The following HMCN2 variants were observed in gnomAD, a reference collection of about 807,000 sequenced individuals.
HMCN2 encodes hemicentin 2.
A neutral mutation model predicts 377.5 loss-of-function variants in HMCN2; 325 were observed. The observed-to-expected ratio is 0.86, with a 90% CI of 0.79 to 0.94. The LOEUF is 0.94. Ranked by LOEUF, HMCN2 falls within the 40% of genes least tolerant of loss-of-function variation. The probability of loss-of-function intolerance (pLI) is 0.00; values close to 1 mark genes in which losing one functional copy is unlikely to be tolerated. For synonymous variants in HMCN2, 2,007 were observed against 2,046.8 expected (o/e 0.98, Z 0.53); for missense variants, 4,543 against 4,725.3 (o/e 0.96, Z 1.13).
intron 62 of HMCN2, among the ~76,000 whole-genome samples, chr9:130,389,578 C>CTT (rs10706411): frequency 2.0e-4 from 29 of 145,228 alleles, no homozygotes; most frequent in African/African-American, 7.1e-4. Flanking sequence ...GTACTTCATT[C>CTT]TTTTTTTTTT....
At chr9:130,383,445 G>A (rs570718827) in intron 56 of HMCN2, 59 bp from the exon 57 acceptor site, 1 of 772,050 alleles carries the variant, frequency 1.3e-6, no homozygotes, top group Non-Finnish European at 1.6e-6. Flanking sequence ...TCATTCCTGG[G>A]GGTGGTGGTG....
At chr9:130,373,281 T>C (rs1455168527) in intron 48 of HMCN2, among the ~76,000 whole-genome samples, 157 bp downstream of exon 48, 1 of 152,150 alleles carries the variant, frequency 6.6e-6, no homozygotes, top group Non-Finnish European at 1.5e-5. Flanking sequence ...CAGCTCATCT[T>C]TGCATGTGTT....
intron 1 of HMCN2, among the ~76,000 whole-genome samples, chr9:130,266,948 ACTT>A (rs1274680547): frequency 8.5e-6 from 1 of 117,164 alleles, no homozygotes; most frequent in Non-Finnish European, 1.7e-5. Context: ...TGCTTTCCAC[ACTT>A]CTTTTTTTTT....
rs573635539 is a variant in HMCN2, at chr9:130,384,680, G to A, written c.8993-5G>A. On this transcript the variant is annotated splice_polypyrimidine_tract_variant and splice_region_variant and intron_variant, in intron 58 of 97. Transcript: ENST00000683500. Reference sequence around the variant, plus strand: ...CTGGTGTGAGGGGCTGGCTTCCCCCGGCAGGCACCCACACGCTGCAGCTGG... The same window carrying A: ...CTGGTGTGAGGGGCTGGCTTCCCCCAGCAGGCACCCACACGCTGCAGCTGG... The A allele has an allele frequency of 1.1e-5, 14 of 1,302,250 alleles. No homozygotes were observed. In the East Asian group the frequency reaches 1.7e-4, roughly 15 times the overall value. 80.7% of individuals were successfully genotyped at this position (1,302,250 alleles called of 1,614,324 possible). A position where few individuals can be genotyped will look rare whatever the true frequency, so the allele number is the denominator to read the frequency against.
intron 1 of HMCN2, among the ~76,000 whole-genome samples, chr9:130,275,854 TTGGAGGCC>T (rs11280762): frequency 9.3e-5 from 14 of 151,034 alleles, no homozygotes; most frequent in Admixed American, 4.0e-4. Context: ...ACGTCCCTCC[TTGGAGGCC>T]TGGAGGCCTG....
At position 130,377,765 on chromosome 9, in the gene HMCN2, C is replaced by A; in HGVS notation, c.8178C>A (p.Gly2726=). Residue 2726 remains glycine (G), a synonymous_variant, in exon 53 of 98, where the codon GGC becomes GGA. Transcript: ENST00000683500. ...TGTGTGTGGCCACCAATGTGGCTGG[C>A]GAGGACGACCAGGACTTCAACGTGC... ...RYLCVATNVA[G]EDDQDFNVLI... 1.0e-6 allele frequency: 1 copy of A among 985,952 alleles called. No individual in the cohort carries two copies. Among genetic ancestry groups the A allele is most frequent in the Non-Finnish European group, 1.2e-6 (1 of 829,988 alleles). The allele number at this position is 985,952 out of a possible 1,614,324, so 61.1% of individuals were successfully genotyped here.
At chr9:130,410,047 T>C (rs901506438) in intron 84 of HMCN2, among the ~76,000 whole-genome samples, 1 of 152,254 alleles carries the variant, frequency 6.6e-6, no homozygotes, top group African/African-American at 2.4e-5. Context: ...AGACTCACTT[T>C]GCACACTGGC....
In HMCN2 at chr9:130,356,108, C is replaced by T. The variant is rs756678348; in HGVS notation, c.5276C>T (p.Pro1759Leu). Residue 1759 changes from proline (P) to leucine (L), a missense_variant, in exon 34 of 98, where the codon CCA becomes CTA. By Grantham distance (98) the Pro-to-Leu change is moderately conservative. This residue lies in a region of HMCN2 where 1,032 missense variants were observed against 1,285.1 expected (regional missense o/e 0.80). Transcript: ENST00000683500. ...CTTAGGTGGCTGCAGAATGGCCGCC[C>T]AGCCGAGGAGCTGGCTGGGGTGCAG... The part of the protein sequence containing the change: ...PTIQWLQNGR[P>L]AEELAGVQVA... 4 of 1,293,416 alleles carry T rather than the reference C, an allele frequency of 3.1e-6. No individual in the cohort carries two copies. Among genetic ancestry groups the T allele is most frequent in the South Asian group, 1.3e-5 (1 of 79,904 alleles). 80.1% of individuals were successfully genotyped at this position (1,293,416 alleles called of 1,614,324 possible).
At chr9:130,337,746 G>A (rs1307153340) in intron 22 of HMCN2, 148 bp from the exon 23 acceptor site, 19 of 151,218 alleles carry the variant, frequency 1.3e-4, no homozygotes, top group African/African-American at 3.9e-4. Context: ...GTTCAGGGAG[G>A]ATGGAGGCGG....
chr9:130,274,860 A>C (rs1175075906), intron 1 of HMCN2, among the ~76,000 whole-genome samples: 1 of 152,202 alleles, frequency 6.6e-6, no homozygotes, highest in Admixed American at 6.5e-5. Context: ...CCATTGGAGG[A>C]ATTAGCCTAA....
At chr9:130,372,249 T>A (rs1415731333) in intron 46 of HMCN2, 45 bp from the exon 47 acceptor site, 1 of 781,844 alleles carries the variant, frequency 1.3e-6, no homozygotes. Flanking sequence ...TGGGACAGAA[T>A]GCTGCTCAGA....
At chr9:130,313,764 T>C (rs1837396670) in intron 15 of HMCN2, among the ~76,000 whole-genome samples, 2 of 148,488 alleles carry the variant, frequency 1.3e-5, no homozygotes, top group Non-Finnish European at 3.0e-5. Context: ...TCTAAATGAA[T>C]GTGTGTCCTC....
chr9:130,316,716 C>G (rs1483523726), intron 15 of HMCN2, among the ~76,000 whole-genome samples: 1 of 152,192 alleles, frequency 6.6e-6, no homozygotes, highest in African/African-American at 2.4e-5. Flanking sequence ...TCCTGTGGAG[C>G]CACGGTGGCC....
chr9:130,315,361 CCCCTCCCCCT>C (rs1837516105), intron 15 of HMCN2, among the ~76,000 whole-genome samples: 34 of 30,544 alleles, frequency 1.1e-3, no homozygotes, highest in East Asian at 3.5e-3. Flanking sequence ...CCCTCCCTCT[CCCCTCCCCCT>C]CCCCTCCCTT....
rs1411979678 is a variant in HMCN2, at chr9:130,369,260, C to G, written c.6788-310C>G. On this transcript the variant is annotated intron_variant, in intron 44 of 97. Transcript: ENST00000683500. The surrounding 1 kb of genome is among the most constrained non-coding windows in gnomAD (Gnocchi z 4.5). Reference sequence around the variant, plus strand: ...AGAAACCCACCCGTAGAATAATTTCCCACCCCTAACCAGTCCCAACAACTG... The same window carrying G: ...AGAAACCCACCCGTAGAATAATTTCGCACCCCTAACCAGTCCCAACAACTG... Among the ~76,000 whole-genome samples the G allele has an allele frequency of 6.6e-6, 1 of 152,186 alleles. No homozygotes were observed. The highest frequency in any genetic ancestry group is 2.4e-5 in the African/African-American group (1 of 41,438).
chr9:130,360,749 CA>C lies in HMCN2; in HGVS notation c.5950+147del. 3.0e-6 allele frequency: 1 copy of C among 332,140 alleles called. No homozygotes were observed. Among genetic ancestry groups the C allele is most frequent in the Non-Finnish European group, 5.5e-6 (1 of 180,880 alleles). 20.6% of individuals were successfully genotyped at this position (332,140 alleles called of 1,614,324 possible). ...TTACCCCATCCATCCATCATCCATC[CA>C]ACCATCCATCCATCCATCCATCCAT... On this transcript the variant is annotated intron_variant, in intron 38 of 97. Coordinates refer to ENST00000683500, the MANE Select transcript of HMCN2 (RefSeq NM_001291815.2). The surrounding 1 kb of genome is among the most constrained non-coding windows in gnomAD (Gnocchi z 4.7).
chr9:130,294,062 A>C lies in HMCN2; in HGVS notation c.613-793A>C, dbSNP rs563432419. On this transcript the variant is annotated intron_variant, in intron 4 of 97. Transcript: ENST00000683500. ...TGACCTTGGGTTGGCATAGGTGCCT[A>C]GGACCATAGAACCTAGGGTCTTGAA... Among the ~76,000 whole-genome samples the C allele has an allele frequency of 1.3e-3, 202 of 152,276 alleles. 1 individual carries two copies. Among genetic ancestry groups the C allele is most frequent in the African/African-American group, 4.6e-3 (191 of 41,548 alleles).
In HMCN2 at chr9:130,309,932, G is replaced by A. The variant is rs781800634; in HGVS notation, c.2221G>A (p.Ala741Thr). 1.9e-6 allele frequency: 1 copy of A among 517,200 alleles called. No individual in the cohort carries two copies. Among genetic ancestry groups the A allele is most frequent in the South Asian group, 1.5e-5 (1 of 68,678 alleles). 32.0% of individuals were successfully genotyped at this position (517,200 alleles called of 1,614,324 possible). ...WYRGGLEMIL[A>T]PEGSSSGKLR... ...TCCAGGGGGTCTTGAAATGATCCTG[G>A]CCCCTGAGGGCTCCAGCTCTGGGAA... The change falls in exon 15 of 98, where the codon GCC (alanine) becomes ACC (threonine). Residue 741 changes from alanine to threonine, a missense_variant. This residue lies in a region of HMCN2 where 547 missense variants were observed against 189.9 expected (regional missense o/e 2.88). Transcript: ENST00000683500.
intron 55 of HMCN2, 108 bp downstream of exon 55, chr9:130,382,405 G>A (rs750247219): frequency 3.2e-4 from 122 of 380,538 alleles, no homozygotes; most frequent in Non-Finnish European, 4.3e-4. Flanking sequence ...GTACTCAGAG[G>A]TTGAAATTGG....
Sources: allele counts gnomAD v4.1 joint callset (sites outside exome capture counted in the v4.1 genomes callset), GRCh38; gene constraint gnomAD v4.1.1; regional missense constraint gnomAD v4.1.1; non-coding constraint Gnocchi (gnomAD v3.1); transcripts MANE v1.5; gene names NCBI Gene and HGNC (gene_info 2026-07-23, HGNC 2026-07-21).